SERINC5: variants seen among roughly 807,000 people sequenced by gnomAD.
SERINC5 encodes chromosome 5 open reading frame 12.
Under a neutral mutation model 63.1 loss-of-function variants are expected in SERINC5, and 41 were observed. The ratio of observed to expected loss-of-function variants is 0.65; its 90% CI spans 0.51 to 0.84. The LOEUF is 0.84. Among genes scored for constraint, SERINC5 ranks in the 40% least tolerant of loss-of-function variants. The pLI, the probability that SERINC5 is intolerant of heterozygous loss-of-function variation, is 0.00. For missense variants in SERINC5, 523 were observed against 573.0 expected (o/e 0.91, Z 0.89); for synonymous variants, 222 against 215.2 (o/e 1.03, Z -0.28).
At position 80,181,815 on chromosome 5, in the gene SERINC5, G is replaced by A. The variant is rs1466225652; in HGVS notation, c.196-3751C>T. 2.6e-5 allele frequency among the ~76,000 whole-genome samples: 4 copies of A among 152,228 alleles called. No homozygotes were observed. In the East Asian group the frequency reaches 5.8e-4, roughly 22 times the overall value. On this transcript the variant is annotated intron_variant, in intron 2 of 11. Transcript: ENST00000507668. ...AAAAGGGTAGGTACGGTTCTAACTC[G>A]TGACAAGCACCTGGCATCTGCCCCG... is the stretch of plus-strand genomic sequence containing the variant.
chr5:80,229,516 A>G (rs1478052690), intron 1 of SERINC5, among the ~76,000 whole-genome samples: 1 of 152,192 alleles, frequency 6.6e-6, no homozygotes, highest in Non-Finnish European at 1.5e-5. Flanking sequence ...GTTTAAGTCA[A>G]CACTAGGAAA....
intron 4 of SERINC5, 150 bp from the exon 5 acceptor site, chr5:80,175,197 T>G: frequency 1.7e-6 from 1 of 574,876 alleles, no homozygotes; most frequent in South Asian, 2.4e-5. Context: ...ATTATAAATG[T>G]CACTCACTTT....
intron 1 of SERINC5, among the ~76,000 whole-genome samples, chr5:80,206,080 A>C (rs1405035667): frequency 6.6e-6 from 1 of 152,022 alleles, no homozygotes; most frequent in Non-Finnish European, 1.5e-5. Flanking sequence ...AACTGGCACC[A>C]GAAAGGAGTC....
chr5:80,198,778 T>C (rs1749657580), intron 2 of SERINC5: 1 of 857,298 alleles, frequency 1.2e-6, no homozygotes, highest in Middle Eastern at 6.0e-4. Flanking sequence ...GCCAGCTCCC[T>C]TGTGAGGCCC....
rs1263818198 is a variant in SERINC5, at chr5:80,140,562, C to T, written c.*3101G>A. 1 of 985,002 alleles carries T rather than the reference C, an allele frequency of 1.0e-6. No individual in the cohort carries two copies. Among genetic ancestry groups the T allele is most frequent in the Non-Finnish European group, 1.2e-6 (1 of 829,854 alleles). 61.0% of individuals were successfully genotyped at this position (985,002 alleles called of 1,614,324 possible). The stretch of plus-strand genomic sequence containing the variant: ...TTCTTTTTCAGACAAAATGAAGAAC[C>T]TTTTTGCCCAAGAAACTGTGGGCAA... On this transcript the variant is annotated 3_prime_UTR_variant, in exon 12 of 12. Transcript: ENST00000507668.
chr5:80,117,218 A>G (rs1247451046), intron 11 of SERINC5, among the ~76,000 whole-genome samples: 2 of 152,106 alleles, frequency 1.3e-5, no homozygotes, highest in South Asian at 2.1e-4. Flanking sequence ...ACTCTGCAGT[A>G]AGACACACTT....
At chr5:80,166,531 C>T in intron 6 of SERINC5, 53 bp from the exon 7 acceptor site, 1 of 1,272,084 alleles carries the variant, frequency 7.9e-7, no homozygotes, top group Non-Finnish European at 1.1e-6. Flanking sequence ...AAAAAGAAAG[C>T]ACATGCCTAA....
intron 5 of SERINC5, among the ~76,000 whole-genome samples, chr5:80,173,033 T>C (rs1030359869): frequency 1.3e-5 from 2 of 152,084 alleles, no homozygotes; most frequent in African/African-American, 4.8e-5. Flanking sequence ...GCTAACTTCC[T>C]GATATTGACA....
intron 2 of SERINC5, among the ~76,000 whole-genome samples, chr5:80,188,364 AT>A (rs902520067): frequency 1.5e-4 from 23 of 152,086 alleles, no homozygotes; most frequent in Non-Finnish European, 2.5e-4. Flanking sequence ...AAACAATTAT[AT>A]ATTTTACTGC....
At chr5:80,214,671 C>A (rs1256125183) in intron 1 of SERINC5, among the ~76,000 whole-genome samples, 1 of 152,024 alleles carries the variant, frequency 6.6e-6, no homozygotes, top group Non-Finnish European at 1.5e-5. Context: ...CCAAGGCAGG[C>A]GGATCACTTG....
At chr5:80,192,989 C>T (rs1193953784) in intron 2 of SERINC5, among the ~76,000 whole-genome samples, 2 of 152,190 alleles carry the variant, frequency 1.3e-5, no homozygotes, top group African/African-American at 4.8e-5. Flanking sequence ...CTTCCAGACA[C>T]ACTTGCCAAA....
intron 1 of SERINC5, among the ~76,000 whole-genome samples, chr5:80,205,944 AAAC>A (rs1561425610): frequency 6.7e-6 from 1 of 150,230 alleles, no homozygotes; most frequent in East Asian, 2.0e-4. Flanking sequence ...ACAAAACAAA[AAAC>A]AAAATATTAG....
intron 5 of SERINC5, among the ~76,000 whole-genome samples, chr5:80,173,805 T>A (rs917224343): frequency 1.3e-5 from 2 of 151,980 alleles, no homozygotes; most frequent in Non-Finnish European, 1.5e-5. Flanking sequence ...TGACACCTTT[T>A]CACCTTTCTG....
chr5:80,221,846 T>A (rs973026077), intron 1 of SERINC5, among the ~76,000 whole-genome samples: 2 of 147,688 alleles, frequency 1.4e-5, no homozygotes, highest in Non-Finnish European at 3.0e-5. Context: ...ATAAAATGAG[T>A]TTTGAGGATA....
intron 8 of SERINC5, 33 bp downstream of exon 8, chr5:80,158,803 C>T (rs1186647349): frequency 2.5e-6 from 4 of 1,599,184 alleles, no homozygotes; most frequent in African/African-American, 1.3e-5. Flanking sequence ...TTAAAGTCTG[C>T]AAAAGTGACC....
Position 80,142,124 on chromosome 5 carries a change from C to G in SERINC5, c.*1539G>C, listed in dbSNP as rs555095059. ...CTTAGATCCTCACTTACAGAGAGCT[C>G]GAGAAGATTCTTTCCACCCCGAATG... is the stretch of plus-strand genomic sequence containing the variant. On this transcript the variant is annotated 3_prime_UTR_variant, in exon 12 of 12. Transcript: ENST00000507668. The G allele has an allele frequency of 2.0e-6, 2 of 985,264 alleles. No homozygotes were observed. Among genetic ancestry groups the G allele is most frequent in the Admixed American group, 6.2e-5 (1 of 16,256 alleles). The allele number at this position is 985,264 out of a possible 1,614,324, so 61.0% of individuals were successfully genotyped here.
At chr5:80,232,352 T>C (rs561430955) in intron 1 of SERINC5, among the ~76,000 whole-genome samples, 4 of 148,088 alleles carry the variant, frequency 2.7e-5, no homozygotes, top group South Asian at 2.1e-4. Context: ...TGCAGTGAGC[T>C]GAGATCACAC....
At chr5:80,198,611 C>T in intron 2 of SERINC5, 7 of 985,442 alleles carry the variant, frequency 7.1e-6, no homozygotes, top group Non-Finnish European at 8.4e-6. Context: ...GTCTCAGGCA[C>T]TTCCACGGCC....
At position 80,146,162 on chromosome 5, in the gene SERINC5, A is replaced by T; in HGVS notation, c.1166T>A (p.Ile389Asn). ...GAACACGAAGTGGAAGTAGGAGTAG[A>T]TGTAGACGGTGCCTTTCTTCTCGTC... ...IYDEKKGTVY[I>N]YSYFHFVFFL... is the part of the protein sequence containing the mutation. Residue 389 changes from isoleucine (I) to asparagine (N), a missense_variant, in exon 11 of 12, where the codon ATC (isoleucine) becomes AAC (asparagine). Transcript: ENST00000507668. 6.2e-7 allele frequency: 1 copy of T among 1,614,010 alleles called. No homozygotes were observed. Among genetic ancestry groups the T allele is most frequent in the South Asian group, 1.1e-5 (1 of 91,088 alleles).
Sources: allele counts gnomAD v4.1 joint callset (sites outside exome capture counted in the v4.1 genomes callset), GRCh38; gene constraint gnomAD v4.1.1; transcripts MANE v1.5; gene names NCBI Gene and HGNC (gene_info 2026-07-23, HGNC 2026-07-21).